NLRP9: variants seen among roughly 807,000 people sequenced by gnomAD.
The protein encoded by NLRP9 is NLR family pyrin domain containing 9.
Under a neutral mutation model 83.1 loss-of-function variants are expected in NLRP9, and 88 were observed. The observed-to-expected ratio is 1.06, with a 90% confidence interval of 0.89 to 1.26. The LOEUF (loss-of-function observed/expected upper bound fraction) is 1.26, where lower values mean the gene tolerates loss of function less well. Among genes scored for constraint, NLRP9 ranks in the 50% most tolerant of loss-of-function variants. The pLI is 0.00. For missense variants in NLRP9, 1,308 were observed against 1,179.3 expected, an observed-to-expected ratio of 1.11 and a Z score of -1.60; for synonymous variants, 521 against 447.6, an observed-to-expected ratio of 1.16 and a Z score of -2.07.
At chr19:55,737,797 G>A (rs1430199897) in intron 1 of NLRP9, among the ~76,000 whole-genome samples, 1 of 139,096 alleles carries the variant, frequency 7.2e-6, no homozygotes, top group East Asian at 2.1e-4. Context: ...CATCTCAGTA[G>A]ACCTGGCAAT....
chr19:55,719,038 G>A lies in NLRP9; in HGVS notation c.2160-2140C>T, dbSNP rs961639551. 4.6e-5 allele frequency among the ~76,000 whole-genome samples: 7 copies of A among 152,162 alleles called. No individual in the cohort carries two copies. In the South Asian group the frequency reaches 6.2e-4, roughly 14 times the overall value. ...ATTAGGTGAGAGTCAGATCCCACAC[G>A]GTAGGAGCTCAGTCCCACAAGATCA... On this transcript the variant is annotated intron_variant, in intron 4 of 8. Coordinates refer to ENST00000332836, the MANE Select transcript of NLRP9 (RefSeq NM_176820.4).
In NLRP9 at chr19:55,732,530, A is replaced by T. The variant is rs533304608; in HGVS notation, c.1301T>A (p.Leu434His). Residue 434 changes from leucine (L) to histidine (H), a missense_variant, in exon 2 of 9, where the codon CTC becomes CAC. Physicochemically the swap from Leu to His is moderately conservative, Grantham distance 99 (BLOSUM62 -3). Transcript: ENST00000332836. ...EGVMWVGMRL[L>H]QRRGDCFAFM... The stretch of plus-strand genomic sequence containing the variant: ...GGCAAAACAGTCCCCTCTCCTTTGG[A>T]GGAGTCTCATACCCACCCACATCAC... The T allele has an allele frequency of 1.2e-6, 2 of 1,614,196 alleles. No homozygotes were observed. Among genetic ancestry groups the T allele is most frequent in the South Asian group, 1.1e-5 (1 of 91,086 alleles).
chr19:55,732,469 G>A lies in NLRP9; in HGVS notation c.1362C>T (p.Ala454=), dbSNP rs1988606547. Residue 454 remains alanine, a synonymous_variant, in exon 2 of 9, where the codon GCC becomes GCT. Transcript: ENST00000332836. The part of the protein sequence containing the change: ...MHLCIQEFCA[A]MFYLLKRPKD... ...TGGGTCGTTTGAGCAAATAAAACATGGCGGCACAAAACTCTTGGATACACA... is the reference window on the plus strand; with the variant it reads ...TGGGTCGTTTGAGCAAATAAAACATAGCGGCACAAAACTCTTGGATACACA... 6.2e-7 allele frequency: 1 copy of A among 1,614,184 alleles called. No individual in the cohort carries two copies. Among genetic ancestry groups the A allele is most frequent in the Admixed American group, 1.7e-5 (1 of 60,020 alleles).
chr19:55,729,095 T>C (rs143175158), intron 3 of NLRP9, among the ~76,000 whole-genome samples: 172 of 149,684 alleles, frequency 1.1e-3, no homozygotes, highest in African/African-American at 4.1e-3. Flanking sequence ...GCTATTTTTC[T>C]GTCTGTCCTC....
At chr19:55,736,829 G>A (rs1373932127) in intron 1 of NLRP9, among the ~76,000 whole-genome samples, 2 of 144,690 alleles carry the variant, frequency 1.4e-5, no homozygotes, top group Non-Finnish European at 3.0e-5. Context: ...GCAAGACTCC[G>A]TCTCAAAAAA....
intron 4 of NLRP9, among the ~76,000 whole-genome samples, chr19:55,718,000 C>T (rs1988085773): frequency 6.6e-6 from 1 of 152,232 alleles, no homozygotes; most frequent in Non-Finnish European, 1.5e-5. Context: ...CTAAGAAAAA[C>T]TGTTCTGTTT....
intron 2 of NLRP9, among the ~76,000 whole-genome samples, chr19:55,730,897 A>G (rs1032092812): frequency 1.3e-5 from 2 of 152,158 alleles, no homozygotes; most frequent in Non-Finnish European, 2.9e-5. Context: ...CACATCCTGC[A>G]CATGTATCCC....
At position 55,712,433 on chromosome 19, in the gene NLRP9, A is replaced by G. The variant is rs376855669; in HGVS notation, c.2659T>C (p.Leu887=). The change falls in exon 7 of 9, where the codon TTA becomes CTA. Residue 887 remains leucine (L), a synonymous_variant. Transcript: ENST00000332836. ...GTAGATACTCACCCGAGACACTCTA[A>G]TTTACAGTGAGGATGCTGCAAAGCT... is the stretch of plus-strand genomic sequence containing the variant. ...CAALQHPHCK[L]ECLGLQTCPI... 7.3e-5 allele frequency: 117 copies of G among 1,612,418 alleles called. No individual in the cohort carries two copies. The highest frequency in any genetic ancestry group is 9.2e-5 in the Non-Finnish European group (109 of 1,179,678).
chr19:55,712,032 A>C (rs370972679), intron 7 of NLRP9, 62 bp from the exon 8 acceptor site: 2 of 1,523,424 alleles, frequency 1.3e-6, no homozygotes, highest in South Asian at 1.2e-5. Flanking sequence ...AAGGCACGCC[A>C]TTGTTACTTG....
At chr19:55,712,096 G>T (rs192550268) in intron 7 of NLRP9, 126 bp from the exon 8 acceptor site, 4 of 952,248 alleles carry the variant, frequency 4.2e-6, no homozygotes, top group Admixed American at 2.5e-5. Context: ...GGGCTTCTCA[G>T]CCAGGACGAT....
chr19:55,731,414 CGGAG>C (rs912977592), intron 2 of NLRP9, among the ~76,000 whole-genome samples: 3 of 150,154 alleles, frequency 2.0e-5, no homozygotes, highest in Non-Finnish European at 4.4e-5. Flanking sequence ...GAGGAAGGAA[CGGAG>C]GGAGGGAGGG....
In NLRP9 at chr19:55,711,936, C is replaced by A. The variant is rs1014810864; in HGVS notation, c.2707G>T (p.Asp903Tyr). The change falls in exon 8 of 9, where the codon GAC becomes TAC. Residue 903 changes from aspartate to tyrosine, a missense_variant. Asp to Tyr is a radical substitution (Grantham distance 160). Transcript: ENST00000332836. ...QTCPITRACC[D>Y]DIAAALIACK... ...GCGATGAGTGCTGCGGCGATGTCGTCGCAGCAGGCACGGGTGATCGGACAC... is the reference window on the plus strand; with the variant it reads ...GCGATGAGTGCTGCGGCGATGTCGTAGCAGCAGGCACGGGTGATCGGACAC... The A allele has an allele frequency of 3.1e-6, 5 of 1,612,960 alleles. No individual in the cohort carries two copies. Among genetic ancestry groups the A allele is most frequent in the Non-Finnish European group, 4.2e-6 (5 of 1,179,948 alleles).
At chr19:55,731,658 A>T (rs1484720502) in intron 2 of NLRP9, among the ~76,000 whole-genome samples, 4 of 143,020 alleles carry the variant, frequency 2.8e-5, no homozygotes, top group Non-Finnish European at 6.0e-5. Flanking sequence ...TGGGAGGTGG[A>T]GGTTGCAGTA....
At chr19:55,711,125 A>AGTT (rs1436265371) in intron 8 of NLRP9, among the ~76,000 whole-genome samples, 2 of 151,938 alleles carry the variant, frequency 1.3e-5, no homozygotes, top group African/African-American at 4.8e-5. Flanking sequence ...AAAACCTTAA[A>AGTT]CAACATATTG....
chr19:55,717,026 T>A, intron 4 of NLRP9, 128 bp from the exon 5 acceptor site: 24 of 535,494 alleles, frequency 4.5e-5, no homozygotes, highest in South Asian at 7.8e-5. Flanking sequence ...CACTACAGAC[T>A]CTTTTTCTTT....
intron 2 of NLRP9, among the ~76,000 whole-genome samples, chr19:55,731,281 C>T (rs1327242292): frequency 6.6e-6 from 1 of 151,484 alleles, no homozygotes; most frequent in Non-Finnish European, 1.5e-5. Context: ...CAGGAGTCCC[C>T]TCTCAGTGGG....
At chr19:55,730,118 A>T in intron 2 of NLRP9, 126 bp from the exon 3 acceptor site, 1 of 778,284 alleles carries the variant, frequency 1.3e-6, no homozygotes, top group Non-Finnish European at 2.0e-6. Context: ...AACAGGGAGA[A>T]GGTCAGCCAG....
chr19:55,712,428 C>G lies in NLRP9; in HGVS notation c.2664G>C (p.Glu888Asp). 3 of 1,612,430 alleles carry G rather than the reference C, an allele frequency of 1.9e-6. No homozygotes were observed. Among genetic ancestry groups the G allele is most frequent in the Non-Finnish European group, 2.5e-6 (3 of 1,179,552 alleles). ...GATCAGTAGATACTCACCCGAGACA[C>G]TCTAATTTACAGTGAGGATGCTGCA... is the stretch of plus-strand genomic sequence containing the variant. ...AALQHPHCKLECLGLQTCPIT... is the reference protein window; with the variant it reads ...AALQHPHCKLDCLGLQTCPIT... Residue 888 changes from glutamate to aspartate, a missense_variant, in exon 7 of 9, where the codon GAG (glutamate) becomes GAC (aspartate). Glu to Asp is a conservative substitution (Grantham distance 45, BLOSUM62 2). Transcript: ENST00000332836.
At chr19:55,734,001 C>T (rs1361076537) in intron 1 of NLRP9, among the ~76,000 whole-genome samples, 1 of 146,850 alleles carries the variant, frequency 6.8e-6, no homozygotes, top group Non-Finnish European at 1.5e-5. Flanking sequence ...CGGCTCACTG[C>T]AAGCTCCGCC....
Sources: gnomAD v4.1 joint callset for allele counts (sites outside exome capture counted in the v4.1 genomes callset) on GRCh38, gnomAD v4.1.1 for gene constraint, MANE v1.5 for transcripts, NCBI Gene and HGNC (gene_info 2026-07-23, HGNC 2026-07-21) for gene names.